BLOC1S4: variants seen among roughly 807,000 people sequenced by gnomAD.
BLOC1S4 encodes the protein biogenesis of lysosomal organelles complex 1 subunit 4, also known as biogenesis of lysosome-related organelles complex 1 subunit 4.
For missense variants in BLOC1S4, 332 were observed against 308.8 expected, an observed-to-expected ratio of 1.07 and a Z score of -0.56; for synonymous variants, 179 against 143.7, an observed-to-expected ratio of 1.25 and a Z score of -1.76.
At position 6,716,945 on chromosome 4, in the gene BLOC1S4, CAT is replaced by C; in HGVS notation, c.*87_*88del. The stretch of plus-strand genomic sequence containing the variant: ...GTGAATTGCAAATCCTGCTTATGGA[CAT>C]ATATGATGTTGGAGTGTGGGATTTT... On this transcript the variant is annotated 3_prime_UTR_variant, in exon 1 of 1. Transcript: ENST00000320776. The C allele has an allele frequency of 1.6e-6, 2 of 1,250,320 alleles. No individual in the cohort carries two copies. The highest frequency in any genetic ancestry group is 1.5e-5 in the African/African-American group (1 of 66,106). 77.5% of individuals were successfully genotyped at this position (1,250,320 alleles called of 1,614,324 possible).
chr4:6,716,773 C>A lies in BLOC1S4; in HGVS notation c.564C>A (p.Pro188=). ...NVPSLFSKSA[P]SRPQQAGYEA... is the part of the protein sequence containing the mutation. Reference sequence around the variant, plus strand: ...CCTCGCTCTTTAGCAAGTCTGCTCCCTCGAGGCCACAGCAAGCCGGCTACG... The same window carrying A: ...CCTCGCTCTTTAGCAAGTCTGCTCCATCGAGGCCACAGCAAGCCGGCTACG... The change falls in exon 1 of 1, where the codon CCC becomes CCA. Residue 188 remains proline (P), a synonymous_variant. Coordinates refer to ENST00000320776, the MANE Select transcript of BLOC1S4 (RefSeq NM_018366.3). 6.2e-7 allele frequency: 1 copy of A among 1,614,018 alleles called. No homozygotes were observed. Among genetic ancestry groups the A allele is most frequent in the Non-Finnish European group, 8.5e-7 (1 of 1,179,950 alleles).
chr4:6,716,327 G>T lies in BLOC1S4; in HGVS notation c.118G>T (p.Ala40Ser). 8.1e-7 allele frequency: 1 copy of T among 1,233,598 alleles called. No individual in the cohort carries two copies. Among genetic ancestry groups the T allele is most frequent in the Non-Finnish European group, 1.0e-6 (1 of 989,874 alleles). 76.4% of individuals were successfully genotyped at this position (1,233,598 alleles called of 1,614,324 possible). ...SGTVSQSHSSASGPWEDEGAE... is the reference protein window; with the variant it reads ...SGTVSQSHSSSSGPWEDEGAE... ...CACTGTTTCCCAGAGCCACAGCAGCGCCTCGGGGCCGTGGGAGGACGAGGG... is the reference window on the plus strand; with the variant it reads ...CACTGTTTCCCAGAGCCACAGCAGCTCCTCGGGGCCGTGGGAGGACGAGGG... Residue 40 changes from alanine to serine, a missense_variant, in exon 1 of 1, where the codon GCC becomes TCC. Transcript: ENST00000320776.
In BLOC1S4 at chr4:6,716,994, C is replaced by T. The variant is rs1348888522; in HGVS notation, c.*131C>T. ...TTTTAAAGTTTACTTTCTACAAACT[C>T]TCCGTAGTATATTCATGATTCAGTG... is the stretch of plus-strand genomic sequence containing the variant. On this transcript the variant is annotated 3_prime_UTR_variant, in exon 1 of 1. Coordinates refer to ENST00000320776, the MANE Select transcript of BLOC1S4 (RefSeq NM_018366.3). The T allele has an allele frequency of 1.1e-5, 9 of 802,972 alleles. No homozygotes were observed. Among genetic ancestry groups the T allele is most frequent in the Non-Finnish European group, 1.8e-5 (9 of 509,676 alleles). The allele number at this position is 802,972 out of a possible 1,614,324, so 49.7% of individuals were successfully genotyped here.
In BLOC1S4 at chr4:6,716,238, C is replaced by T. The variant is rs1290169421; in HGVS notation, c.29C>T (p.Ala10Val). Reference sequence around the variant, plus strand: ...GAGGGTAGCTTTTCGGATGGCGGAGCGCTGCCGGAGGGGCTCGCGGAAGAG... The same window carrying T: ...GAGGGTAGCTTTTCGGATGGCGGAGTGCTGCCGGAGGGGCTCGCGGAAGAG... MEGSFSDGG[A>V]LPEGLAEEAE... is the part of the protein sequence containing the mutation. The change falls in exon 1 of 1, where the codon GCG (alanine) becomes GTG (valine). Residue 10 changes from alanine to valine, a missense_variant. Coordinates refer to ENST00000320776, the MANE Select transcript of BLOC1S4 (RefSeq NM_018366.3). The T allele has an allele frequency of 2.4e-6, 3 of 1,234,352 alleles. No individual in the cohort carries two copies. Among genetic ancestry groups the T allele is most frequent in the Non-Finnish European group, 3.0e-6 (3 of 987,914 alleles). The allele number at this position is 1,234,352 out of a possible 1,614,324, so 76.5% of individuals were successfully genotyped here.
Position 6,717,250 on chromosome 4 carries a change from G to GT in BLOC1S4, c.*388dup, listed in dbSNP as rs2108802940. On this transcript the variant is annotated 3_prime_UTR_variant, in exon 1 of 1. Transcript: ENST00000320776. ...AACTGAATGAACTTTTCTCTGCACT[G>GT]TGGCAAAACTGTTATTTTTATGGAT... is the stretch of plus-strand genomic sequence containing the variant. 5.7e-6 allele frequency: 1 copy of GT among 176,764 alleles called. No individual in the cohort carries two copies. Among genetic ancestry groups the GT allele is most frequent in the African/African-American group, 2.4e-5 (1 of 41,996 alleles). The allele number at this position is 176,764 out of a possible 1,614,324, so 10.9% of individuals were successfully genotyped here. A position where few individuals can be genotyped will look rare whatever the true frequency, so the allele number is the denominator to read the frequency against.
Position 6,716,757 on chromosome 4 carries a change from T to TG in BLOC1S4, c.548_549insG (p.Phe183LeufsTer2). 1 of 1,613,938 alleles carries TG rather than the reference T, an allele frequency of 6.2e-7. No individual in the cohort carries two copies. The highest frequency in any genetic ancestry group is 8.5e-7 in the Non-Finnish European group (1 of 1,179,934). On this transcript the variant is annotated frameshift_variant, in exon 1 of 1. Coordinates refer to ENST00000320776, the MANE Select transcript of BLOC1S4 (RefSeq NM_018366.3). LOFTEE classifies it low-confidence loss of function (END_TRUNC). ...CACACGATGAACGTGCCCTCGCTCT[T>TG]TAGCAAGTCTGCTCCCTCGAGGCCA...
Position 6,716,753 on chromosome 4 carries a change from C to T in BLOC1S4, c.544C>T (p.Leu182Phe). The change falls in exon 1 of 1, where the codon CTC (leucine) becomes TTC (phenylalanine). Residue 182 changes from leucine to phenylalanine, a missense_variant. Physicochemically the swap from Leu to Phe is conservative, Grantham distance 22 (BLOSUM62 0). Coordinates refer to ENST00000320776, the MANE Select transcript of BLOC1S4 (RefSeq NM_018366.3). ...CCTGCACACGATGAACGTGCCCTCG[C>T]TCTTTAGCAAGTCTGCTCCCTCGAG... is the stretch of plus-strand genomic sequence containing the variant. The part of the protein sequence containing the change: ...KLLHTMNVPS[L>F]FSKSAPSRPQ... 6.2e-7 allele frequency: 1 copy of T among 1,613,932 alleles called. No homozygotes were observed. Among genetic ancestry groups the T allele is most frequent in the Non-Finnish European group, 8.5e-7 (1 of 1,179,926 alleles).
Position 6,716,221 on chromosome 4 carries a change from C to A in BLOC1S4, c.12C>A (p.Ser4Arg). The change falls in exon 1 of 1, where the codon AGC (serine) becomes AGA (arginine). Residue 4 changes from serine (S) to arginine (R), a missense_variant. Ser to Arg is a moderately radical substitution (Grantham distance 110, BLOSUM62 -1). Transcript: ENST00000320776. Reference protein sequence around the residue: MEGSFSDGGALPEG... With the variant: MEGRFSDGGALPEG... The stretch of plus-strand genomic sequence containing the variant: ...GGTGGTCGCGGGCCATGGAGGGTAG[C>A]TTTTCGGATGGCGGAGCGCTGCCGG... The A allele has an allele frequency of 8.1e-7, 1 of 1,234,470 alleles. No homozygotes were observed. Among genetic ancestry groups the A allele is most frequent in the East Asian group, 3.2e-5 (1 of 31,642 alleles). The allele number at this position is 1,234,470 out of a possible 1,614,324, so 76.5% of individuals were successfully genotyped here.
rs1319938997 is a variant in BLOC1S4, at chr4:6,716,345, G to C, written c.136G>C (p.Asp46His). ...CAGCAGCGCCTCGGGGCCGTGGGAG[G>C]ACGAGGGCGCGGAGGACGGCGCGCC... ...SHSSASGPWE[D>H]EGAEDGAPGR... The change falls in exon 1 of 1, where the codon GAC (aspartate) becomes CAC (histidine). Residue 46 changes from aspartate (D) to histidine (H), a missense_variant. Physicochemically the swap from Asp to His is moderately conservative, Grantham distance 81. Transcript: ENST00000320776. 8.1e-7 allele frequency: 1 copy of C among 1,236,856 alleles called. No homozygotes were observed. The highest frequency in any genetic ancestry group is 3.2e-5 in the East Asian group (1 of 31,728). 76.6% of individuals were successfully genotyped at this position (1,236,856 alleles called of 1,614,324 possible). A position where few individuals can be genotyped will look rare whatever the true frequency, so the allele number is the denominator to read the frequency against.
rs1714926532 is a variant in BLOC1S4 at position 6,716,897 on chromosome 4, G to A, written c.*34G>A. ...CCACTGCGGCAAGAGGACCCCAGCT[G>A]GGGTGCTTACCTCCAGTATGAAGTG... On this transcript the variant is annotated 3_prime_UTR_variant, in exon 1 of 1. Transcript: ENST00000320776. The A allele has an allele frequency of 5.2e-6, 8 of 1,539,664 alleles. No individual in the cohort carries two copies. Among genetic ancestry groups the A allele is most frequent in the Non-Finnish European group, 7.0e-6 (8 of 1,136,524 alleles).
rs1234690979 is a variant in BLOC1S4 at position 6,717,451 on chromosome 4, A to G, written c.*588A>G. 6.0e-6 allele frequency: 1 copy of G among 166,852 alleles called. No individual in the cohort carries two copies. The highest frequency in any genetic ancestry group is 2.4e-5 in the African/African-American group (1 of 41,458). 10.3% of individuals were successfully genotyped at this position (166,852 alleles called of 1,614,324 possible). On this transcript the variant is annotated 3_prime_UTR_variant, in exon 1 of 1. Transcript: ENST00000320776. ...CCTCCTATAGCGTGGATTGTAGACC[A>G]AAGGAAATGGTACAATTTCTGAGAA... is the stretch of plus-strand genomic sequence containing the variant.
chr4:6,716,920 G>A lies in BLOC1S4; in HGVS notation c.*57G>A. On this transcript the variant is annotated 3_prime_UTR_variant, in exon 1 of 1. Transcript: ENST00000320776. ...CTGGGGTGCTTACCTCCAGTATGAAGTGAATTGCAAATCCTGCTTATGGAC... is the reference window on the plus strand; with the variant it reads ...CTGGGGTGCTTACCTCCAGTATGAAATGAATTGCAAATCCTGCTTATGGAC... 4 of 1,442,224 alleles carry A rather than the reference G, an allele frequency of 2.8e-6. No individual in the cohort carries two copies. Among genetic ancestry groups the A allele is most frequent in the South Asian group, 2.8e-5 (2 of 72,396 alleles). 89.3% of individuals were successfully genotyped at this position (1,442,224 alleles called of 1,614,324 possible).
Position 6,716,755 on chromosome 4 carries a change from C to G in BLOC1S4, c.546C>G (p.Leu182=), listed in dbSNP as rs748213651. The G allele has an allele frequency of 9.9e-6, 16 of 1,613,806 alleles. No homozygotes were observed. The highest frequency in any genetic ancestry group is 1.1e-5 in the Non-Finnish European group (13 of 1,179,936). Residue 182 remains leucine, a synonymous_variant, in exon 1 of 1, where the codon CTC becomes CTG. Transcript: ENST00000320776. ...TGCACACGATGAACGTGCCCTCGCTCTTTAGCAAGTCTGCTCCCTCGAGGC... is the reference window on the plus strand; with the variant it reads ...TGCACACGATGAACGTGCCCTCGCTGTTTAGCAAGTCTGCTCCCTCGAGGC... The part of the protein sequence containing the change: ...KLLHTMNVPS[L]FSKSAPSRPQ...
Position 6,716,575 on chromosome 4 carries a change from C to A in BLOC1S4, c.366C>A (p.His122Gln). 6.3e-7 allele frequency: 1 copy of A among 1,589,408 alleles called. No individual in the cohort carries two copies. Among genetic ancestry groups the A allele is most frequent in the East Asian group, 2.3e-5 (1 of 43,830 alleles). The change falls in exon 1 of 1, where the codon CAC becomes CAA. Residue 122 changes from histidine (H) to glutamine (Q), a missense_variant. Transcript: ENST00000320776. ...TCAGCGAGGGCGTGCCGCGCATCCA[C>A]GCGAAGGCCGCCGAGATGCGGCGCA... is the stretch of plus-strand genomic sequence containing the variant. ...HVVSEGVPRI[H>Q]AKAAEMRRIY...
At position 6,716,790 on chromosome 4, in the gene BLOC1S4, C is replaced by G. The variant is rs751178718; in HGVS notation, c.581C>G (p.Ala194Gly). Residue 194 changes from alanine (A) to glycine (G), a missense_variant, in exon 1 of 1, where the codon GCC becomes GGC. By Grantham distance (60) the Ala-to-Gly change is moderately conservative. Transcript: ENST00000320776. The part of the protein sequence containing the change: ...SKSAPSRPQQ[A>G]GYEAPVLFRT... ...TCTGCTCCCTCGAGGCCACAGCAAG[C>G]CGGCTACGAAGCCCCCGTCCTGTTT... The G allele has an allele frequency of 2.5e-6, 4 of 1,613,876 alleles. No individual in the cohort carries two copies. Among genetic ancestry groups the G allele is most frequent in the Non-Finnish European group, 2.5e-6 (3 of 1,179,924 alleles).
At position 6,716,787 on chromosome 4, in the gene BLOC1S4, A is replaced by G; in HGVS notation, c.578A>G (p.Gln193Arg). The change falls in exon 1 of 1, where the codon CAA becomes CGA. Residue 193 changes from glutamine (Q) to arginine (R), a missense_variant. Transcript: ENST00000320776. ...FSKSAPSRPQ[Q>R]AGYEAPVLFR... ...AAGTCTGCTCCCTCGAGGCCACAGC[A>G]AGCCGGCTACGAAGCCCCCGTCCTG... 1.2e-6 allele frequency: 2 copies of G among 1,614,036 alleles called. No homozygotes were observed. The highest frequency in any genetic ancestry group is 2.2e-5 in the East Asian group (1 of 44,878).
Position 6,716,595 on chromosome 4 carries a change from G to T in BLOC1S4, c.386G>T (p.Arg129Leu), listed in dbSNP as rs1416531499. The change falls in exon 1 of 1, where the codon CGG becomes CTG. Residue 129 changes from arginine (R) to leucine (L), a missense_variant. Coordinates refer to ENST00000320776, the MANE Select transcript of BLOC1S4 (RefSeq NM_018366.3). ...ATCCACGCGAAGGCCGCCGAGATGC[G>T]GCGCATCTACAGCAGGATCGACCGG... The part of the protein sequence containing the change: ...PRIHAKAAEM[R>L]RIYSRIDRLE... The T allele has an allele frequency of 5.6e-6, 9 of 1,602,738 alleles. 1 individual carries two copies. The South Asian group carries it at 1.0e-4, about 18-fold the overall frequency.
Position 6,717,633 on chromosome 4 carries a change from G to C in BLOC1S4, c.*770G>C, listed in dbSNP as rs1371784886. The C allele has an allele frequency of 1.8e-5, 3 of 166,646 alleles. No individual in the cohort carries two copies. The highest frequency in any genetic ancestry group is 7.2e-5 in the African/African-American group (3 of 41,532). 10.3% of individuals were successfully genotyped at this position (166,646 alleles called of 1,614,324 possible). The stretch of plus-strand genomic sequence containing the variant: ...TAATTTAAATGTTAATAGAAATTTT[G>C]AGTTTTATTGGAAATGATTTCCTTC... On this transcript the variant is annotated 3_prime_UTR_variant, in exon 1 of 1. Coordinates refer to ENST00000320776, the MANE Select transcript of BLOC1S4 (RefSeq NM_018366.3).
At position 6,716,950 on chromosome 4, in the gene BLOC1S4, A is replaced by C; in HGVS notation, c.*87A>C. The C allele has an allele frequency of 1.7e-6, 2 of 1,206,688 alleles. No homozygotes were observed. The highest frequency in any genetic ancestry group is 2.3e-6 in the Non-Finnish European group (2 of 872,320). 74.7% of individuals were successfully genotyped at this position (1,206,688 alleles called of 1,614,324 possible). A position where few individuals can be genotyped will look rare whatever the true frequency, so the allele number is the denominator to read the frequency against. ...TTGCAAATCCTGCTTATGGACATAT[A>C]TGATGTTGGAGTGTGGGATTTTAAA... On this transcript the variant is annotated 3_prime_UTR_variant, in exon 1 of 1. Coordinates refer to ENST00000320776, the MANE Select transcript of BLOC1S4 (RefSeq NM_018366.3).
Sources: gnomAD v4.1 joint callset for allele counts on GRCh38, gnomAD v4.1.1 for gene constraint, MANE v1.5 for transcripts, NCBI Gene and HGNC (gene_info 2026-07-23, HGNC 2026-07-21) for gene names.